The following AFAP1L1 variants were observed in gnomAD, a reference collection of about 807,000 sequenced individuals.
AFAP1L1 encodes actin filament associated protein 1 like 1, also known as actin filament-associated protein 1-like 1.
In AFAP1L1, 77 loss-of-function variants were observed where a neutral mutation model predicts 99.8. The observed-to-expected ratio is 0.77, with a 90% CI of 0.64 to 0.93. The LOEUF is 0.93. AFAP1L1 is among the 40% of genes least tolerant of loss of function. The probability of loss-of-function intolerance (pLI) is 0.00; values close to 1 mark genes in which losing one functional copy is unlikely to be tolerated. For missense variants in AFAP1L1, 893 were observed against 996.8 expected (o/e 0.90, Z 1.40); for synonymous variants, 373 against 395.3 (o/e 0.94, Z 0.67).
At chr5:149,278,188 G>C (rs1303064629) in intron 1 of AFAP1L1, among the ~76,000 whole-genome samples, 1 of 152,116 alleles carries the variant, frequency 6.6e-6, no homozygotes, top group Non-Finnish European at 1.5e-5. Context: ...AAACAAAAAA[G>C]TGAACCCATC....
chr5:149,321,226 T>G (rs541535882), intron 14 of AFAP1L1, among the ~76,000 whole-genome samples: 2 of 152,294 alleles, frequency 1.3e-5, no homozygotes. Context: ...GTTCATATGG[T>G]CTTTCTTCAG....
chr5:149,322,578 T>C (rs1283608244), intron 14 of AFAP1L1, 28 bp from the exon 15 acceptor site: 2 of 1,538,250 alleles, frequency 1.3e-6, no homozygotes, highest in Non-Finnish European at 1.8e-6. Flanking sequence ...CTGCCTGAAC[T>C]TGACTGTCTT....
chr5:149,272,561 G>C (rs1280466280), intron 1 of AFAP1L1, among the ~76,000 whole-genome samples: 1 of 152,364 alleles, frequency 6.6e-6, no homozygotes, highest in African/African-American at 2.4e-5. Context: ...AGTTGGACTA[G>C]ATGGTCTCCA....
chr5:149,331,832 A>T (rs1315253596), intron 16 of AFAP1L1, among the ~76,000 whole-genome samples: 2 of 152,084 alleles, frequency 1.3e-5, no homozygotes, highest in Non-Finnish European at 1.5e-5. Context: ...TCTCACACTC[A>T]TGCTTCTACC....
intron 1 of AFAP1L1, among the ~76,000 whole-genome samples, chr5:149,298,497 A>G (rs1756085523): frequency 1.3e-5 from 2 of 152,234 alleles, no homozygotes; most frequent in Non-Finnish European, 1.5e-5. Flanking sequence ...TTCATCCTCC[A>G]TGTAATGAAG....
At chr5:149,313,525 A>G (rs1581325185) in intron 9 of AFAP1L1, among the ~76,000 whole-genome samples, 1 of 152,244 alleles carries the variant, frequency 6.6e-6, no homozygotes, top group Non-Finnish European at 1.5e-5. Flanking sequence ...ATTTGAACCC[A>G]GACAGTCTAG....
chr5:149,314,333 G>A (rs1055649778), intron 9 of AFAP1L1, among the ~76,000 whole-genome samples: 27 of 152,308 alleles, frequency 1.8e-4, no homozygotes, highest in Middle Eastern at 6.8e-3. Flanking sequence ...GGTGCAGTTT[G>A]AAAGATGTGT....
At chr5:149,301,256 C>T (rs1756200854) in intron 4 of AFAP1L1, 26 bp downstream of exon 4, 1 of 1,604,070 alleles carries the variant, frequency 6.2e-7, no homozygotes, top group Non-Finnish European at 8.5e-7. Context: ...GGTTCCCACA[C>T]CTCAGGGCCT....
chr5:149,302,349 C>G lies in AFAP1L1; in HGVS notation c.328-69C>G, dbSNP rs569601155. 9.1e-5 allele frequency: 106 copies of G among 1,161,732 alleles called. 1 individual carries two copies. In the South Asian group the frequency reaches 1.7e-3, roughly 18 times the overall value. 72.0% of individuals were successfully genotyped at this position (1,161,732 alleles called of 1,614,324 possible). On this transcript the variant is annotated intron_variant, in intron 4 of 18. Coordinates refer to ENST00000296721, the MANE Select transcript of AFAP1L1 (RefSeq NM_152406.4). ...TCCTGCCTTCTGCGAGCTCCTGCCT[C>G]CCTCTCCCTCAGCCTCTCTCTCCCT...
chr5:149,310,647 T>C (rs1158105964), intron 8 of AFAP1L1, among the ~76,000 whole-genome samples: 1 of 152,234 alleles, frequency 6.6e-6, no homozygotes, highest in Non-Finnish European at 1.5e-5. Flanking sequence ...CGTGACCTCA[T>C]TTCTGCTTGA....
At position 149,307,430 on chromosome 5, in the gene AFAP1L1, CTA is replaced by C; in HGVS notation, c.566_567del (p.Tyr189Ter). 6.2e-7 allele frequency: 1 copy of C among 1,614,156 alleles called. No individual in the cohort carries two copies. The highest frequency in any genetic ancestry group is 8.5e-7 in the Non-Finnish European group (1 of 1,180,034). On this transcript the variant is annotated frameshift_variant, in exon 7 of 19. Transcript: ENST00000296721. LOFTEE classifies it high-confidence loss of function. ...ATGACTCTGACGCAATGAGCAGCTC[CTA>C]TGAGTCCTACGATGAAGAGGAGGAG... ...YNDSDAMSSSYESYDEEEEEG... is the reference protein window; with the variant it reads ...YNDSDAMSSSXESYDEEEEEG...
In AFAP1L1 at chr5:149,320,392, T is replaced by C. The variant is rs1756917503; in HGVS notation, c.1627T>C (p.Tyr543His). The part of the protein sequence containing the change: ...IVSAGRNSFL[Y>H]ARSCQNQWPE... ...GTCATCGTACATTTTATTTTCTAGATATGCAAGATCCTGCCAGAATCAGTG... is the reference window on the plus strand; with the variant it reads ...GTCATCGTACATTTTATTTTCTAGACATGCAAGATCCTGCCAGAATCAGTG... Residue 543 changes from tyrosine (Y) to histidine (H), a missense_variant and splice_region_variant, in exon 14 of 19, where the codon TAT (tyrosine) becomes CAT (histidine). Tyr to His is a moderately conservative substitution (Grantham distance 83, BLOSUM62 2). Coordinates refer to ENST00000296721, the MANE Select transcript of AFAP1L1 (RefSeq NM_152406.4). This position sits in a 1 kb window ranked among gnomAD's most constrained non-coding sequence, Gnocchi z 4.0. 6.2e-7 allele frequency: 1 copy of C among 1,614,010 alleles called. No individual in the cohort carries two copies. The highest frequency in any genetic ancestry group is 1.3e-5 in the African/African-American group (1 of 75,044).
chr5:149,300,252 TCCCCCTTCTTCCTCACAGCAAA>T lies in AFAP1L1; in HGVS notation c.146-18_149del. 1 of 1,597,150 alleles carries T rather than the reference TCCCCCTTCTTCCTCACAGCAAA, an allele frequency of 6.3e-7. No homozygotes were observed. The highest frequency in any genetic ancestry group is 8.6e-7 in the Non-Finnish European group (1 of 1,168,050). ...TCCCTCCTCCTTCACAGCTGGCATG[TCCCCCTTCTTCCTCACAGCAAA>T]GGAGGTCTCCTACCTGTATGTGAAC... On this transcript the variant is annotated splice_acceptor_variant and splice_polypyrimidine_tract_variant and coding_sequence_variant and intron_variant, in exon 3 of 19. Coordinates refer to ENST00000296721, the MANE Select transcript of AFAP1L1 (RefSeq NM_152406.4). LOFTEE classifies it high-confidence loss of function.
chr5:149,315,749 G>A (rs1487139807), intron 9 of AFAP1L1, 72 bp from the exon 10 acceptor site: 2 of 1,319,672 alleles, frequency 1.5e-6, no homozygotes, highest in East Asian at 4.7e-5. Context: ...GAGGGAGATT[G>A]AACCAATAAA....
chr5:149,279,251 C>T (rs1398478233), intron 1 of AFAP1L1, among the ~76,000 whole-genome samples: 1 of 152,174 alleles, frequency 6.6e-6, no homozygotes, highest in East Asian at 1.9e-4. Context: ...CCAGTTTGGG[C>T]TCAATCTAAG....
intron 15 of AFAP1L1, among the ~76,000 whole-genome samples, chr5:149,328,673 G>T (rs186241558): frequency 6.6e-6 from 1 of 152,098 alleles, no homozygotes; most frequent in African/African-American, 2.4e-5. Context: ...GCCAGGCATG[G>T]TGGCGGGCAC....
chr5:149,312,410 G>GTGCA (rs993779650), intron 9 of AFAP1L1: 161 of 634,724 alleles, frequency 2.5e-4, no homozygotes, highest in Middle Eastern at 7.3e-4. Flanking sequence ...TATGCCCAAA[G>GTGCA]TGCAGTACAA....
At position 149,316,319 on chromosome 5, in the gene AFAP1L1, G is replaced by T; in HGVS notation, c.1267+16G>T. ...CCCTGCTGTGGTGGGTCCAGGGCAC[G>T]GGGAGGAAGGGTGCTCAGGTCCTGT... On this transcript the variant is annotated intron_variant, in intron 11 of 18. Transcript: ENST00000296721. The T allele has an allele frequency of 6.2e-7, 1 of 1,610,110 alleles. No homozygotes were observed. The highest frequency in any genetic ancestry group is 8.5e-7 in the Non-Finnish European group (1 of 1,177,436).
intron 1 of AFAP1L1, among the ~76,000 whole-genome samples, chr5:149,280,715 A>C (rs984216554): frequency 1.3e-5 from 2 of 152,160 alleles, no homozygotes; most frequent in African/African-American, 4.8e-5. Context: ...ATTTTTTGTT[A>C]GCATCCATAA....
Sources: allele counts gnomAD v4.1 joint callset (sites outside exome capture counted in the v4.1 genomes callset), GRCh38; gene constraint gnomAD v4.1.1; non-coding constraint Gnocchi (gnomAD v3.1); transcripts MANE v1.5; gene names NCBI Gene and HGNC (gene_info 2026-07-23, HGNC 2026-07-21).